The following TES variants were observed in gnomAD, a reference collection of about 807,000 sequenced individuals.
TES encodes the protein testin LIM domain protein.
TES carries 41 observed loss-of-function variants against 48.2 expected under a neutral mutation model. The observed-to-expected ratio is 0.85, with a 90% CI of 0.66 to 1.10. TES has a LOEUF of 1.10. Among genes scored for constraint, TES ranks in the 50% least tolerant of loss-of-function variants. The pLI is 0.00. For synonymous variants in TES, 162 were observed against 174.9 expected (o/e 0.93, Z 0.58); for missense variants, 463 against 515.1 (o/e 0.90, Z 0.98).
chr7:116,256,874 A>C (rs1384800513), intron 6 of TES, among the ~76,000 whole-genome samples: 1 of 152,212 alleles, frequency 6.6e-6, no homozygotes, highest in Non-Finnish European at 1.5e-5. Context: ...TAGTGGTGTT[A>C]ATAATCTCAT....
chr7:116,210,605 G>C lies in TES; in HGVS notation c.-103G>C, dbSNP rs990506589. 7.5e-6 allele frequency: 9 copies of C among 1,202,042 alleles called. No homozygotes were observed. The highest frequency in any genetic ancestry group is 6.6e-5 in the East Asian group (2 of 30,158). 74.5% of individuals were successfully genotyped at this position (1,202,042 alleles called of 1,614,324 possible). A position where few individuals can be genotyped will look rare whatever the true frequency, so the allele number is the denominator to read the frequency against. ...GAGTGGCTGTTGAGCGGCGCCGCGG[G>C]AGTTCCGCAGGTTTCCCGTGTTCGC... On this transcript the variant is annotated 5_prime_UTR_variant, in exon 1 of 7. Transcript: ENST00000358204.
intron 1 of TES, among the ~76,000 whole-genome samples, chr7:116,229,400 A>G (rs1799668614): frequency 6.6e-6 from 1 of 152,112 alleles, no homozygotes; most frequent in Non-Finnish European, 1.5e-5. Flanking sequence ...CTGAGGGTAA[A>G]GAGAAGAGAT....
At chr7:116,238,582 C>CATCATT (rs1799802874) in intron 2 of TES, among the ~76,000 whole-genome samples, 1 of 105,190 alleles carries the variant, frequency 9.5e-6, no homozygotes, top group Non-Finnish European at 2.0e-5. Flanking sequence ...ACTCAACATC[C>CATCATT]ATCATTATTA....
At position 116,210,630 on chromosome 7, in the gene TES, C is replaced by T; in HGVS notation, c.-78C>T. 1.6e-6 allele frequency: 2 copies of T among 1,276,422 alleles called. No homozygotes were observed. The highest frequency in any genetic ancestry group is 3.2e-5 in the East Asian group (1 of 30,910). 79.1% of individuals were successfully genotyped at this position (1,276,422 alleles called of 1,614,324 possible). On this transcript the variant is annotated 5_prime_UTR_variant, in exon 1 of 7. Transcript: ENST00000358204. The stretch of plus-strand genomic sequence containing the variant: ...GAGTTCCGCAGGTTTCCCGTGTTCG[C>T]AGCGGAGCCGGAGGCCAGCTGAACC...
At chr7:116,240,844 G>A (rs566164435) in intron 2 of TES, among the ~76,000 whole-genome samples, 2 of 152,204 alleles carry the variant, frequency 1.3e-5, no homozygotes, top group African/African-American at 4.8e-5. Flanking sequence ...ACTCAGTATA[G>A]CACAAATAAA....
Position 116,257,305 on chromosome 7 carries a change from A to C in TES, c.1089A>C (p.Gly363=), listed in dbSNP as rs1301015316. 2 of 1,610,380 alleles carry C rather than the reference A, an allele frequency of 1.2e-6. No individual in the cohort carries two copies. Among genetic ancestry groups the C allele is most frequent in the South Asian group, 1.1e-5 (1 of 90,462 alleles). Residue 363 remains glycine, a synonymous_variant, in exon 7 of 7, where the codon GGA becomes GGC. Coordinates refer to ENST00000358204, the MANE Select transcript of TES (RefSeq NM_015641.4). Reference sequence around the variant, plus strand: ...TTATTTCTTAATAGGTGTGTCAAGGATGCCACAATGCCATCGACCCAGAAG... The same window carrying C: ...TTATTTCTTAATAGGTGTGTCAAGGCTGCCACAATGCCATCGACCCAGAAG... ...YVKNHAVVCQ[G]CHNAIDPEVQ...
intron 6 of TES, 52 bp from the exon 7 acceptor site, chr7:116,257,242 T>TA: frequency 6.7e-7 from 1 of 1,482,858 alleles, no homozygotes; most frequent in Non-Finnish European, 9.1e-7. Flanking sequence ...ATGAAAATGT[T>TA]ACCATTACAG....
chr7:116,210,940 C>A (rs999768773), intron 1 of TES: 5 of 370,068 alleles, frequency 1.4e-5, no homozygotes, highest in Non-Finnish European at 2.4e-5. Flanking sequence ...CACTCGGGAG[C>A]GACAGAATTG....
chr7:116,257,406 G>C lies in TES; in HGVS notation c.1190G>C (p.Cys397Ser). 4.3e-6 allele frequency: 7 copies of C among 1,614,066 alleles called. No homozygotes were observed. Among genetic ancestry groups the C allele is most frequent in the Non-Finnish European group, 5.9e-6 (7 of 1,179,990 alleles). Residue 397 changes from cysteine (C) to serine (S), a missense_variant, in exon 7 of 7, where the codon TGC becomes TCC. Cys to Ser is a moderately radical substitution (Grantham distance 112). Coordinates refer to ENST00000358204, the MANE Select transcript of TES (RefSeq NM_015641.4). ...TTTCTGTGCTCTTGCTGCAGCAAAT[G>C]CCTCATTGGGCAGAAGTTCATGCCA... is the stretch of plus-strand genomic sequence containing the variant. ...ECFLCSCCSKCLIGQKFMPVE... is the reference protein window; with the variant it reads ...ECFLCSCCSKSLIGQKFMPVE...
At chr7:116,251,533 A>C (rs1800007950) in intron 4 of TES, 1 of 459,370 alleles carries the variant, frequency 2.2e-6, no homozygotes, top group African/African-American at 2.0e-5. Flanking sequence ...ATACAAAAAA[A>C]TTAGCCGGGC....
At chr7:116,215,534 T>G (rs1369345322) in intron 1 of TES, among the ~76,000 whole-genome samples, 1 of 152,192 alleles carries the variant, frequency 6.6e-6, no homozygotes, top group Non-Finnish European at 1.5e-5. Flanking sequence ...GGGAAACTTC[T>G]ACAGTCAAAG....
At chr7:116,211,680 A>G (rs1799440896) in intron 1 of TES, among the ~76,000 whole-genome samples, 1 of 152,228 alleles carries the variant, frequency 6.6e-6, no homozygotes, top group African/African-American at 2.4e-5. Context: ...TTTTGCAGAG[A>G]GAGGAAGGGA....
chr7:116,234,511 T>A (rs762557672), intron 1 of TES, 23 bp from the exon 2 acceptor site: 11 of 1,596,360 alleles, frequency 6.9e-6, no homozygotes, highest in Non-Finnish European at 9.4e-6. Flanking sequence ...AATAACAGAT[T>A]CATGATGTTT....
chr7:116,218,569 T>TA (rs1029770536), intron 1 of TES, among the ~76,000 whole-genome samples: 2 of 152,090 alleles, frequency 1.3e-5, no homozygotes, highest in Non-Finnish European at 1.5e-5. Flanking sequence ...AACTGGGGGT[T>TA]AAAAAAATTA....
At position 116,250,510 on chromosome 7, in the gene TES, T is replaced by C. The variant is rs757328256; in HGVS notation, c.702+14T>C. On this transcript the variant is annotated intron_variant, in intron 4 of 6. Transcript: ENST00000358204. ...AGAACTCAATATGTAAGTAGAGTGG[T>C]CACACTGTTAGCCTGATTTGTATAC... 2.5e-5 allele frequency: 37 copies of C among 1,499,622 alleles called. No individual in the cohort carries two copies. The highest frequency in any genetic ancestry group is 7.1e-5 in the Admixed American group (3 of 42,172). The allele number at this position is 1,499,622 out of a possible 1,614,324, so 92.9% of individuals were successfully genotyped here.
chr7:116,234,633 A>G lies in TES; in HGVS notation c.113+14A>G, dbSNP rs774916263. 1.2e-6 allele frequency: 2 copies of G among 1,601,310 alleles called. No individual in the cohort carries two copies. The highest frequency in any genetic ancestry group is 1.1e-5 in the South Asian group (1 of 90,724). On this transcript the variant is annotated intron_variant, in intron 2 of 6. Coordinates refer to ENST00000358204, the MANE Select transcript of TES (RefSeq NM_015641.4). Reference sequence around the variant, plus strand: ...GCACTTCTGGAGGTATTGTTTTGAAAACTGCAACCACATTAGTAATTTATA... The same window carrying G: ...GCACTTCTGGAGGTATTGTTTTGAAGACTGCAACCACATTAGTAATTTATA...
At chr7:116,239,287 C>T (rs925118428) in intron 2 of TES, 2 of 152,122 alleles carry the variant, frequency 1.3e-5, no homozygotes, top group African/African-American at 4.8e-5. Flanking sequence ...TTTAAGGGCT[C>T]ACATGATTAG....
At chr7:116,232,028 G>A (rs758645225) in intron 1 of TES, among the ~76,000 whole-genome samples, 1 of 152,124 alleles carries the variant, frequency 6.6e-6, no homozygotes, top group East Asian at 1.9e-4. Flanking sequence ...AGTCAGTAGC[G>A]AGCTACTCCA....
chr7:116,249,325 T>C lies in TES; in HGVS notation c.366+53T>C, dbSNP rs749306466. 1.4e-5 allele frequency: 22 copies of C among 1,605,536 alleles called. No individual in the cohort carries two copies. The African/African-American group carries it at 2.5e-4, about 19-fold the overall frequency. On this transcript the variant is annotated intron_variant, in intron 3 of 6. Transcript: ENST00000358204. The stretch of plus-strand genomic sequence containing the variant: ...TTATTGAAGTTCCTGGAGTATTTAT[T>C]TGGGGCAGTTTCTTTGATGACCTAA...
Sources: allele counts gnomAD v4.1 joint callset (sites outside exome capture counted in the v4.1 genomes callset), GRCh38; gene constraint gnomAD v4.1.1; transcripts MANE v1.5; gene names NCBI Gene and HGNC (gene_info 2026-07-23, HGNC 2026-07-21).